The following AKAP6 variants were observed in gnomAD, a reference collection of about 807,000 sequenced individuals.
AKAP6 encodes the protein A-kinase anchoring protein 6.
Under a neutral mutation model 188.5 loss-of-function variants are expected in AKAP6, and 58 were observed. That is an observed-to-expected ratio of 0.31 (90% CI 0.25 to 0.38). AKAP6 has a LOEUF of 0.38. AKAP6 is among the 10% of genes least tolerant of loss of function. AKAP6 has a pLI of 1.00. For missense variants in AKAP6, 2,710 were observed against 2,740.0 expected (o/e 0.99, Z 0.24); for synonymous variants, 989 against 998.6 (o/e 0.99, Z 0.18).
rs372851963 is a variant in AKAP6 at position 32,509,003 on chromosome 14, T to C, written c.325-26551T>C. Among the ~76,000 whole-genome samples, 6 of 152,002 alleles carry C rather than the reference T, an allele frequency of 3.9e-5. No individual in the cohort carries two copies. In the East Asian group the frequency reaches 7.7e-4, roughly 20 times the overall value. ...CCATGCCCAGCTAATTTTGTATTTT[T>C]AGTAGAGACGGAGTTTCACCATGTT... On this transcript the variant is annotated intron_variant, in intron 2 of 13. Coordinates refer to ENST00000280979, the MANE Select transcript of AKAP6 (RefSeq NM_004274.5).
At chr14:32,769,311 G>A (rs1256288001) in intron 11 of AKAP6, among the ~76,000 whole-genome samples, 1 of 151,898 alleles carries the variant, frequency 6.6e-6, no homozygotes, top group Non-Finnish European at 1.5e-5. Flanking sequence ...TCCTCCCACA[G>A]TGCTGGGATT....
At chr14:32,396,383 G>T (rs1408677536) in intron 1 of AKAP6, among the ~76,000 whole-genome samples, 2 of 152,144 alleles carry the variant, frequency 1.3e-5, no homozygotes, top group African/African-American at 4.8e-5. Flanking sequence ...CTACCTATCA[G>T]TCATTCCTCC....
Position 32,834,614 on chromosome 14 carries a change from G to A in AKAP6, c.*4809G>A, listed in dbSNP as rs961612021. 7.3e-6 allele frequency: 1 copy of A among 137,524 alleles called. No individual in the cohort carries two copies. Among genetic ancestry groups the A allele is most frequent in the African/African-American group, 2.7e-5 (1 of 36,694 alleles). The allele number at this position is 137,524 out of a possible 1,614,324, so 8.5% of individuals were successfully genotyped here. A position where few individuals can be genotyped will look rare whatever the true frequency, so the allele number is the denominator to read the frequency against. ...TTTTTCTTTGGGCTTTTATAACATC[G>A]ACAGTTCTGAAAAGTCCAGGCCAGT... is the stretch of plus-strand genomic sequence containing the variant. On this transcript the variant is annotated 3_prime_UTR_variant, in exon 14 of 14. Transcript: ENST00000280979.
At chr14:32,588,097 C>G (rs796811055) in intron 5 of AKAP6, among the ~76,000 whole-genome samples, 1 of 152,142 alleles carries the variant, frequency 6.6e-6, no homozygotes, top group Non-Finnish European at 1.5e-5. Context: ...AAAAGTCTTA[C>G]CCTCCCTTGG....
At chr14:32,622,884 G>A (rs570283312) in intron 7 of AKAP6, among the ~76,000 whole-genome samples, 2 of 152,246 alleles carry the variant, frequency 1.3e-5, no homozygotes, top group South Asian at 2.1e-4. Context: ...GAAGCAGAGA[G>A]AATGAATCTG....
At chr14:32,565,540 C>T (rs1884147189) in intron 4 of AKAP6, among the ~76,000 whole-genome samples, 1 of 152,190 alleles carries the variant, frequency 6.6e-6, no homozygotes, top group African/African-American at 2.4e-5. Flanking sequence ...CTTCAGAGTG[C>T]TATAGCAGCC....
chr14:32,563,424 A>G (rs1233873073), intron 4 of AKAP6, among the ~76,000 whole-genome samples: 1 of 152,214 alleles, frequency 6.6e-6, no homozygotes, highest in Non-Finnish European at 1.5e-5. Context: ...AGTACCTGGC[A>G]TGTAGTAAAC....
chr14:32,589,718 C>T (rs1594766785), intron 5 of AKAP6, among the ~76,000 whole-genome samples: 1 of 152,278 alleles, frequency 6.6e-6, no homozygotes, highest in East Asian at 1.9e-4. Context: ...TAATTTATTA[C>T]TTTATTTTTC....
intron 2 of AKAP6, among the ~76,000 whole-genome samples, chr14:32,524,101 G>T (rs143374566): frequency 3.5e-4 from 53 of 151,980 alleles, no homozygotes; most frequent in African/African-American, 1.3e-3. Flanking sequence ...TACTCCAAAG[G>T]CTAAGGTGGG....
chr14:32,775,358 T>G (rs1330296813), intron 12 of AKAP6, among the ~76,000 whole-genome samples: 4 of 152,096 alleles, frequency 2.6e-5, no homozygotes, highest in Admixed American at 6.6e-5. Context: ...TGTGTTTCTT[T>G]GAGGATTTAT....
intron 1 of AKAP6, among the ~76,000 whole-genome samples, chr14:32,351,217 G>T (rs1025037459): frequency 1.3e-5 from 2 of 152,122 alleles, no homozygotes; most frequent in Admixed American, 1.3e-4. Flanking sequence ...TTCTAACCTA[G>T]AGGTCTAAAA....
intron 2 of AKAP6, among the ~76,000 whole-genome samples, chr14:32,526,625 C>T (rs903404299): frequency 7.2e-5 from 11 of 152,192 alleles, no homozygotes; most frequent in Admixed American, 4.6e-4. Context: ...AGGGGTCCTT[C>T]GACCTTGGCC....
At chr14:32,562,058 A>T (rs1203994629) in intron 4 of AKAP6, among the ~76,000 whole-genome samples, 1 of 152,204 alleles carries the variant, frequency 6.6e-6, no homozygotes, top group Non-Finnish European at 1.5e-5. Flanking sequence ...AACTTTATCC[A>T]GGAAAGGTGC....
intron 1 of AKAP6, among the ~76,000 whole-genome samples, chr14:32,383,243 A>G (rs1888427374): frequency 6.6e-6 from 1 of 152,094 alleles, no homozygotes; most frequent in Admixed American, 6.6e-5. Context: ...ACTTTAAAAG[A>G]ATATCTTTTA....
intron 11 of AKAP6, among the ~76,000 whole-genome samples, chr14:32,749,173 G>A (rs935823233): frequency 6.6e-6 from 1 of 152,174 alleles, no homozygotes; most frequent in Non-Finnish European, 1.5e-5. Context: ...ATCTCAGGAA[G>A]TAAGTTTTCT....
chr14:32,413,314 C>G (rs935840054), intron 1 of AKAP6, among the ~76,000 whole-genome samples: 2 of 151,210 alleles, frequency 1.3e-5, no homozygotes, highest in African/African-American at 4.9e-5. Flanking sequence ...TCCTGAGTAG[C>G]TGGGACCACA....
At chr14:32,492,355 T>TATATATATATATAG in intron 2 of AKAP6, among the ~76,000 whole-genome samples, 105 of 82,584 alleles carry the variant, frequency 1.3e-3, no homozygotes, top group South Asian at 6.3e-3. Context: ...TATATATATA[T>TATATATATATATAG]AGAGAGAGAG....
At chr14:32,708,029 G>A (rs1890886404) in intron 9 of AKAP6, among the ~76,000 whole-genome samples, 1 of 152,062 alleles carries the variant, frequency 6.6e-6, no homozygotes, top group Admixed American at 6.6e-5. Flanking sequence ...CTAGTCTCCA[G>A]CCTCTCAAAC....
At chr14:32,667,561 T>C (rs1201690184) in intron 7 of AKAP6, among the ~76,000 whole-genome samples, 11 of 152,102 alleles carry the variant, frequency 7.2e-5, no homozygotes, top group Non-Finnish European at 1.5e-4. Context: ...TCAAAATTTA[T>C]ATTGATTTTT....
Sources: gnomAD v4.1 joint callset for allele counts (sites outside exome capture counted in the v4.1 genomes callset) on GRCh38, gnomAD v4.1.1 for gene constraint, MANE v1.5 for transcripts, NCBI Gene and HGNC (gene_info 2026-07-23, HGNC 2026-07-21) for gene names.